The following ODR4 variants were observed in gnomAD, a reference collection of about 807,000 sequenced individuals.
ODR4 encodes odr-4 GPCR localization factor homolog.
Under a neutral mutation model 60.2 loss-of-function variants are expected in ODR4, and 47 were observed. The ratio of observed to expected loss-of-function variants is 0.78; its 90% confidence interval spans 0.62 to 1.00. The LOEUF (loss-of-function observed/expected upper bound fraction) is 1.00. ODR4 is among the 50% of genes least tolerant of loss of function. The pLI is 0.00. For synonymous variants in ODR4, 178 were observed against 175.5 expected, an observed-to-expected ratio of 1.01 and a Z score of -0.11; for missense variants, 488 against 530.8, an observed-to-expected ratio of 0.92 and a Z score of 0.79.
the ODR4 span, among the ~76,000 whole-genome samples, chr1:186,429,252 ACACT>A: frequency 6.6e-6 from 1 of 152,060 alleles, no homozygotes; most frequent in African/African-American, 2.4e-5. Context: ...CCTGGGTGAC[ACACT>A]GAGACTCTGT....
intron 12 of ODR4, among the ~76,000 whole-genome samples, chr1:186,407,817 G>T (rs148217476): frequency 6.6e-6 from 1 of 151,880 alleles, no homozygotes; most frequent in African/African-American, 2.4e-5. Flanking sequence ...TTTGCTTTCC[G>T]GTAGATTAGG....
chr1:186,427,756 TTAAA>T, the ODR4 span, among the ~76,000 whole-genome samples: 1 of 152,234 alleles, frequency 6.6e-6, no homozygotes, highest in Non-Finnish European at 1.5e-5. Flanking sequence ...AATGTATTTC[TTAAA>T]TAATAAAAGT....
At chr1:186,417,455 C>G in intron 12 of ODR4, 89 bp from the exon 13 acceptor site, 1 of 728,468 alleles carries the variant, frequency 1.4e-6, no homozygotes, top group East Asian at 2.8e-5. Flanking sequence ...TGGTGATGAT[C>G]GTATAGTTTT....
chr1:186,418,943 A>G (rs1661687157), intron 13 of ODR4, 66 bp from the exon 14 acceptor site: 1 of 1,364,542 alleles, frequency 7.3e-7, no homozygotes, highest in Non-Finnish European at 1.0e-6. Context: ...TTCAGAGCCT[A>G]GGATTAGTTT....
intron 12 of ODR4, among the ~76,000 whole-genome samples, chr1:186,407,908 G>A (rs556579617): frequency 8.5e-5 from 13 of 152,144 alleles, no homozygotes; most frequent in African/African-American, 3.1e-4. Context: ...GAAAGTAATT[G>A]TATGATTTTT....
At position 186,386,147 on chromosome 1, in the gene ODR4, GTA is replaced by G. The variant is rs1660242135; in HGVS notation, c.330+66_330+67del. On this transcript the variant is annotated intron_variant, in intron 4 of 13. Transcript: ENST00000287859. ...TATATGTTATTTTTACTGATTATGAGTATGTGTAATGATTCTAGGCATATTTA... is the reference window on the plus strand; with the variant it reads ...TATATGTTATTTTTACTGATTATGAGTGTGTAATGATTCTAGGCATATTTA... 1.2e-5 allele frequency: 11 copies of G among 898,302 alleles called. No homozygotes were observed. The East Asian group carries it at 2.9e-4, about 23-fold the overall frequency. 55.6% of individuals were successfully genotyped at this position (898,302 alleles called of 1,614,324 possible). A position where few individuals can be genotyped will look rare whatever the true frequency, so the allele number is the denominator to read the frequency against.
intron 3 of ODR4, among the ~76,000 whole-genome samples, chr1:186,384,570 A>G (rs968022485): frequency 1.1e-5 from 1 of 93,912 alleles, no homozygotes; most frequent in African/African-American, 4.3e-5. Context: ...AAAATTGTAT[A>G]TGACACACAC....
At chr1:186,410,634 T>C (rs1262747734) in intron 12 of ODR4, among the ~76,000 whole-genome samples, 1 of 152,222 alleles carries the variant, frequency 6.6e-6, no homozygotes, top group Non-Finnish European at 1.5e-5. Context: ...AGTGATTTGG[T>C]TAATAATTTA....
chr1:186,414,348 TTAAA>T (rs1259876928), intron 12 of ODR4, among the ~76,000 whole-genome samples: 1 of 149,094 alleles, frequency 6.7e-6, no homozygotes, highest in Non-Finnish European at 1.5e-5. Flanking sequence ...TAATTCAATA[TTAAA>T]TATATAAGTA....
downstream of ODR4, among the ~76,000 whole-genome samples, chr1:186,423,443 CTTTTTTTTTTTTTT>C (rs34515188): frequency 8.5e-4 from 38 of 44,716 alleles, 2 homozygotes; most frequent in Admixed American, 0.013. Context: ...ACTACTTGTG[CTTTTTTTTTTTTTT>C]TTTTTTTTTT....
chr1:186,413,216 AT>A (rs1337380758), intron 12 of ODR4, among the ~76,000 whole-genome samples: 5 of 151,994 alleles, frequency 3.3e-5, no homozygotes, highest in Non-Finnish European at 7.4e-5. Context: ...TCATTAGAAC[AT>A]TTTGGGTTTT....
Position 186,406,149 on chromosome 1 carries a change from T to A in ODR4, c.1067T>A (p.Met356Lys), listed in dbSNP as rs768680953. 1.9e-6 allele frequency: 3 copies of A among 1,612,508 alleles called. No individual in the cohort carries two copies. Among genetic ancestry groups the A allele is most frequent in the Admixed American group, 1.7e-5 (1 of 59,840 alleles). Residue 356 changes from methionine to lysine, a missense_variant, in exon 12 of 14, where the codon ATG (methionine) becomes AAG (lysine). Met to Lys is a moderately conservative substitution (Grantham distance 95). Coordinates refer to ENST00000287859, the MANE Select transcript of ODR4 (RefSeq NM_017847.6). ...GTTCCCCTTCCTGGATCCACTGTAA[T>A]GTTGTGTGATTATAAATTTGACGAT... ...VFVPLPGSTVMLCDYKFDDES... is the reference protein window; with the variant it reads ...VFVPLPGSTVKLCDYKFDDES...
chr1:186,405,009 G>A (rs1449994202), intron 11 of ODR4, among the ~76,000 whole-genome samples: 1 of 151,978 alleles, frequency 6.6e-6, no homozygotes, highest in Non-Finnish European at 1.5e-5. Flanking sequence ...AGAAATTAGG[G>A]GAAATAATAT....
chr1:186,419,127 TATGAATAATAAAG>T lies in ODR4; in HGVS notation c.*55_*67del, dbSNP rs1661693546. On this transcript the variant is annotated 3_prime_UTR_variant, in exon 14 of 14. Coordinates refer to ENST00000287859, the MANE Select transcript of ODR4 (RefSeq NM_017847.6). Reference sequence around the variant, plus strand: ...CATCCAGAGAACATTGACAGACAATTATGAATAATAAAGATGTTAACAATCCATCTGTATTTAA... The same window carrying T: ...CATCCAGAGAACATTGACAGACAATTATGTTAACAATCCATCTGTATTTAA... 4 of 1,438,390 alleles carry T rather than the reference TATGAATAATAAAG, an allele frequency of 2.8e-6. No homozygotes were observed. In the Admixed American group the frequency reaches 7.4e-5, roughly 27 times the overall value. 89.1% of individuals were successfully genotyped at this position (1,438,390 alleles called of 1,614,324 possible).
At chr1:186,414,980 GTAT>G (rs1661508932) in intron 12 of ODR4, among the ~76,000 whole-genome samples, 1 of 151,932 alleles carries the variant, frequency 6.6e-6, no homozygotes, top group Non-Finnish European at 1.5e-5. Flanking sequence ...TAGAACTGAA[GTAT>G]TATAGCCCTT....
At chr1:186,388,630 A>G (rs754335961) in intron 5 of ODR4, 82 bp downstream of exon 5, 2 of 780,330 alleles carry the variant, frequency 2.6e-6, no homozygotes, top group Non-Finnish European at 3.8e-6. Flanking sequence ...ATTTATTTAA[A>G]TCATCATTTA....
intron 3 of ODR4, 40 bp downstream of exon 3, chr1:186,383,196 CAAA>C: frequency 6.6e-7 from 1 of 1,518,482 alleles, no homozygotes; most frequent in Non-Finnish European, 8.8e-7. Context: ...AGTTTTATTT[CAAA>C]AAAGAGCTAG....
rs140415709 is a variant in ODR4 at position 186,402,633 on chromosome 1, G to A, written c.1001-3450G>A. ...GCTATGTTGTCCAGGCTGTAGTCCT[G>A]TGGCTGTGCACAGGTATGATCATAG... On this transcript the variant is annotated intron_variant, in intron 11 of 13. Transcript: ENST00000287859. 1.5e-4 allele frequency among the ~76,000 whole-genome samples: 22 copies of A among 151,230 alleles called. No homozygotes were observed. In the East Asian group the frequency reaches 4.1e-3, roughly 28 times the overall value.
intron 12 of ODR4, among the ~76,000 whole-genome samples, chr1:186,406,692 T>C (rs1316434852): frequency 3.3e-5 from 5 of 152,172 alleles, no homozygotes; most frequent in Non-Finnish European, 7.4e-5. Flanking sequence ...TTTGCCTTTT[T>C]TTTTTCATAT....
Sources: gnomAD v4.1 joint callset for allele counts (sites outside exome capture counted in the v4.1 genomes callset) on GRCh38, gnomAD v4.1.1 for gene constraint, MANE v1.5 for transcripts, NCBI Gene and HGNC (gene_info 2026-07-23, HGNC 2026-07-21) for gene names.